Variants in ANTXR1 observed in about 807,000 individuals in gnomAD.
The protein encoded by ANTXR1 is ANTXR cell adhesion molecule 1.
A neutral mutation model predicts 78.1 loss-of-function variants in ANTXR1; 19 were observed. That is an observed-to-expected ratio of 0.24 (90% CI 0.17 to 0.36). The LOEUF (loss-of-function observed/expected upper bound fraction) is 0.36. Among genes scored for constraint, ANTXR1 ranks in the 10% least tolerant of loss-of-function variants. ANTXR1 has a pLI of 1.00. For missense variants in ANTXR1, 518 were observed against 718.6 expected (o/e 0.72, Z 3.19); for synonymous variants, 273 against 260.5 (o/e 1.05, Z -0.46).
chr2:69,196,590 C>T (rs1674673198), intron 17 of ANTXR1, among the ~76,000 whole-genome samples: 1 of 152,152 alleles, frequency 6.6e-6, no homozygotes, highest in African/African-American at 2.4e-5. Context: ...AGGAGACTCA[C>T]TAGAGAGGCC....
intron 14 of ANTXR1, 119 bp from the exon 15 acceptor site, chr2:69,181,667 T>C: frequency 1.0e-6 from 1 of 958,304 alleles, no homozygotes; most frequent in South Asian, 1.3e-5. Flanking sequence ...ACAGTAGCAC[T>C]GGGATTGCAC....
At chr2:69,067,230 G>C (rs1475710690) in intron 3 of ANTXR1, among the ~76,000 whole-genome samples, 3 of 151,206 alleles carry the variant, frequency 2.0e-5, no homozygotes, top group African/African-American at 7.3e-5. Flanking sequence ...CTCGCAACTA[G>C]TGAGTTCATA....
intron 16 of ANTXR1, among the ~76,000 whole-genome samples, chr2:69,183,543 G>T (rs547254888): frequency 6.6e-6 from 1 of 150,384 alleles, no homozygotes; most frequent in South Asian, 2.1e-4. Flanking sequence ...CTGGGACTAC[G>T]GGCACGCACC....
intron 12 of ANTXR1, among the ~76,000 whole-genome samples, chr2:69,130,316 T>TC (rs397750594): frequency 1.3e-5 from 2 of 151,984 alleles, no homozygotes; most frequent in African/African-American, 2.4e-5. Context: ...CCTGTTTTTT[T>TC]CTCCTGATTT....
chr2:69,114,697 G>A (rs531155850), intron 10 of ANTXR1, among the ~76,000 whole-genome samples: 1 of 152,268 alleles, frequency 6.6e-6, no homozygotes, highest in Admixed American at 6.5e-5. Context: ...CATTGCTGGA[G>A]TGCCCCATTT....
At chr2:69,127,213 C>T (rs761109431) in intron 12 of ANTXR1, among the ~76,000 whole-genome samples, 9 of 152,090 alleles carry the variant, frequency 5.9e-5, no homozygotes, top group Non-Finnish European at 8.8e-5. Context: ...ACTACCTAAG[C>T]GAGTAGGTTC....
At chr2:69,181,757 T>C (rs200527440) in intron 14 of ANTXR1, 29 bp from the exon 15 acceptor site, 13 of 1,611,266 alleles carry the variant, frequency 8.1e-6, no homozygotes, top group Non-Finnish European at 2.5e-6. Flanking sequence ...GCTGTTTTGC[T>C]TCCTTCATGT....
chr2:69,182,132 C>T (rs956492142), intron 15 of ANTXR1: 21 of 570,550 alleles, frequency 3.7e-5, no homozygotes, highest in South Asian at 1.2e-4. Flanking sequence ...TGTGCGTTTC[C>T]ATGTCTTGCC....
Position 69,122,741 on chromosome 2 carries a change from C to T in ANTXR1, c.803-276C>T, listed in dbSNP as rs970132045. On this transcript the variant is annotated intron_variant, in intron 10 of 17. Coordinates refer to ENST00000303714, the MANE Select transcript of ANTXR1 (RefSeq NM_032208.3). ...GTATATCTCCTAATGCTATCCCTCC[C>T]CCCTCCTCCCACCCCACAACAGTCC... Among the ~76,000 whole-genome samples, 18 of 152,114 alleles carry T rather than the reference C, an allele frequency of 1.2e-4. 1 individual carries two copies. Among genetic ancestry groups the T allele is most frequent in the South Asian group, 4.1e-4 (2 of 4,824 alleles).
At chr2:69,148,883 A>G (rs1373457032) in intron 12 of ANTXR1, among the ~76,000 whole-genome samples, 1 of 152,234 alleles carries the variant, frequency 6.6e-6, no homozygotes, top group Non-Finnish European at 1.5e-5. Flanking sequence ...GAACACAAGC[A>G]TCTTGACTAG....
At chr2:69,019,074 C>T (rs1671108778) in intron 1 of ANTXR1, among the ~76,000 whole-genome samples, 1 of 152,122 alleles carries the variant, frequency 6.6e-6, no homozygotes, top group Non-Finnish European at 1.5e-5. Flanking sequence ...TTTGTTCAGA[C>T]TGAATCTGAT....
Position 69,044,747 on chromosome 2 carries a change from A to G in ANTXR1, c.230A>G (p.Gln77Arg), listed in dbSNP as rs2104090873. Reference sequence around the variant, plus strand: ...GAGCTTCTTTTCCTTTCCAGCCCACAGTTGAGAATGTCCTTTATTGTTTTC... The same window carrying G: ...GAGCTTCTTTTCCTTTCCAGCCCACGGTTGAGAATGTCCTTTATTGTTTTC... ...EQLAHKFISP[Q>R]LRMSFIVFST... is the part of the protein sequence containing the mutation. The change falls in exon 3 of 18, where the codon CAG (glutamine) becomes CGG (arginine). Residue 77 changes from glutamine (Q) to arginine (R), a missense_variant. Gln to Arg is a conservative substitution (Grantham distance 43). Coordinates refer to ENST00000303714, the MANE Select transcript of ANTXR1 (RefSeq NM_032208.3). 1 of 1,613,898 alleles carries G rather than the reference A, an allele frequency of 6.2e-7. No individual in the cohort carries two copies. The highest frequency in any genetic ancestry group is 1.7e-5 in the Admixed American group (1 of 60,004).
intron 9 of ANTXR1, among the ~76,000 whole-genome samples, chr2:69,098,394 T>C (rs1671500526): frequency 6.6e-6 from 1 of 152,168 alleles, no homozygotes; most frequent in African/African-American, 2.4e-5. Flanking sequence ...GAGAGCAAAT[T>C]CAAACTGACT....
rs917620604 is a variant in ANTXR1 at position 69,108,589 on chromosome 2, A to T, written c.802+5649A>T. ...CCAGGTATTAAGCCTAGTACCCATT[A>T]GTTATTTTTCCTGATCTTCTCTCTC... On this transcript the variant is annotated intron_variant, in intron 10 of 17. Transcript: ENST00000303714. Among the ~76,000 whole-genome samples the T allele has an allele frequency of 3.9e-5, 6 of 152,274 alleles. No individual in the cohort carries two copies. In the South Asian group the frequency reaches 1.0e-3, roughly 26 times the overall value.
chr2:69,095,905 T>C (rs1194230484), intron 9 of ANTXR1, among the ~76,000 whole-genome samples: 1 of 152,180 alleles, frequency 6.6e-6, no homozygotes, highest in African/African-American at 2.4e-5. Context: ...TGTTTCACAT[T>C]TTTAACTGGA....
chr2:69,056,451 G>T (rs1288318329), intron 3 of ANTXR1, among the ~76,000 whole-genome samples: 2 of 151,356 alleles, frequency 1.3e-5, no homozygotes, highest in African/African-American at 2.4e-5. Context: ...AATATTTGAG[G>T]TATAACAAAA....
chr2:69,227,877 A>G (rs1338233613), intron 17 of ANTXR1, among the ~76,000 whole-genome samples: 2 of 152,258 alleles, frequency 1.3e-5, no homozygotes, highest in Non-Finnish European at 2.9e-5. Flanking sequence ...CAATCCTTGC[A>G]CCACACTAGG....
intron 9 of ANTXR1, among the ~76,000 whole-genome samples, chr2:69,092,057 C>T (rs1671259297): frequency 6.6e-6 from 1 of 152,188 alleles, no homozygotes; most frequent in Non-Finnish European, 1.5e-5. Flanking sequence ...GAGTTCCTGT[C>T]CCCCAGAAAC....
chr2:69,215,396 G>A (rs1675150890), intron 17 of ANTXR1, among the ~76,000 whole-genome samples: 1 of 152,134 alleles, frequency 6.6e-6, no homozygotes, highest in Admixed American at 6.5e-5. Context: ...TTCCCTATTA[G>A]GCAACTTATT....
Sources: allele counts gnomAD v4.1 joint callset (sites outside exome capture counted in the v4.1 genomes callset), GRCh38; gene constraint gnomAD v4.1.1; transcripts MANE v1.5; gene names NCBI Gene and HGNC (gene_info 2026-07-23, HGNC 2026-07-21).